The following C8B variants were observed in gnomAD, a reference collection of about 807,000 sequenced individuals.
The protein encoded by C8B is complement C8 beta chain.
C8B carries 67 observed loss-of-function variants against 64.6 expected under a neutral mutation model. The ratio of observed to expected loss-of-function variants is 1.04; its 90% CI spans 0.85 to 1.27. C8B has a LOEUF of 1.27. Among genes scored for constraint, C8B ranks in the 50% most tolerant of loss-of-function variants. The probability of loss-of-function intolerance (pLI) is 0.00; values close to 1 mark genes in which losing one functional copy is unlikely to be tolerated. For missense variants in C8B, 790 were observed against 725.2 expected (o/e 1.09, Z -1.03); for synonymous variants, 284 against 257.7 (o/e 1.10, Z -0.98).
rs1252062560 is a variant in C8B, at chr1:56,945,948, C to A, written c.978G>T (p.Leu326=). The part of the protein sequence containing the change: ...EFLQRVKRLP[L]EYSYGEYRDL... Reference sequence around the variant, plus strand: ...CTCTGTATTCCCCGTAGCTGTACTCCAGGGGCAGCCGCTTAACTCTCTGAA... The same window carrying A: ...CTCTGTATTCCCCGTAGCTGTACTCAAGGGGCAGCCGCTTAACTCTCTGAA... Residue 326 remains leucine, a synonymous_variant, in exon 7 of 12, where the codon CTG becomes CTT. Coordinates refer to ENST00000371237, the MANE Select transcript of C8B (RefSeq NM_000066.4). The A allele has an allele frequency of 1.9e-6, 3 of 1,614,022 alleles. No individual in the cohort carries two copies. In the African/African-American group the frequency reaches 4.0e-5, roughly 22 times the overall value.
intron 1 of C8B, among the ~76,000 whole-genome samples, chr1:56,963,108 T>C (rs1645201464): frequency 6.6e-6 from 1 of 152,180 alleles, no homozygotes; most frequent in Non-Finnish European, 1.5e-5. Context: ...CCCCTCTACT[T>C]AAGGACTGGC....
At chr1:56,940,758 T>G in intron 9 of C8B, 91 bp downstream of exon 9, 1 of 1,453,672 alleles carries the variant, frequency 6.9e-7, no homozygotes, top group Non-Finnish European at 9.7e-7. Flanking sequence ...TGGGTCTTAG[T>G]GATCTCTGCA....
chr1:56,964,063 G>C (rs1645216911), intron 1 of C8B: 2 of 962,808 alleles, frequency 2.1e-6, no homozygotes, highest in African/African-American at 1.8e-5. Flanking sequence ...TTCAGGTAAG[G>C]GTTTGAAAAC....
In C8B at chr1:56,929,389, C is replaced by T; in HGVS notation, c.*15G>A. ...CAGGGCTCTCATTGTATGTAGCCCA[C>T]TGCTGTATCATCTGCTAGGAGCAGT... is the stretch of plus-strand genomic sequence containing the variant. On this transcript the variant is annotated 3_prime_UTR_variant, in exon 12 of 12. Transcript: ENST00000371237. 6.2e-7 allele frequency: 1 copy of T among 1,611,954 alleles called. No homozygotes were observed.
At chr1:56,938,401 G>C (rs1027453474) in intron 9 of C8B, among the ~76,000 whole-genome samples, 1 of 152,182 alleles carries the variant, frequency 6.6e-6, no homozygotes, top group Non-Finnish European at 1.5e-5. Context: ...CATCTGATTA[G>C]TGTCTAAACA....
At chr1:56,937,778 T>C (rs956713206) in intron 9 of C8B, among the ~76,000 whole-genome samples, 3 of 152,222 alleles carry the variant, frequency 2.0e-5, no homozygotes, top group African/African-American at 7.2e-5. Context: ...ACTTCCTGTG[T>C]TTTCATTTGC....
chr1:56,959,679 T>C, intron 2 of C8B: 3 of 1,464,722 alleles, frequency 2.0e-6, no homozygotes, highest in Non-Finnish European at 2.8e-6. Flanking sequence ...GGGTAGACTG[T>C]GAATGGTTTC....
At chr1:56,930,679 A>G (rs980212687) in intron 11 of C8B, among the ~76,000 whole-genome samples, 6 of 152,174 alleles carry the variant, frequency 3.9e-5, no homozygotes, top group African/African-American at 1.4e-4. Flanking sequence ...ACTATTGGGT[A>G]TGTTAGTTAG....
intron 9 of C8B, among the ~76,000 whole-genome samples, chr1:56,933,804 T>G (rs941385589): frequency 2.2e-4 from 34 of 152,160 alleles, no homozygotes; most frequent in African/African-American, 6.3e-4. Context: ...TACCAACAGA[T>G]GGTTACCACA....
intron 8 of C8B, among the ~76,000 whole-genome samples, chr1:56,942,011 G>A (rs376627814): frequency 2.6e-5 from 4 of 152,320 alleles, no homozygotes; most frequent in South Asian, 2.1e-4. Flanking sequence ...CTCTGCATCC[G>A]TGTAAAGAAT....
intron 8 of C8B, among the ~76,000 whole-genome samples, chr1:56,943,266 A>G (rs1441710307): frequency 6.6e-6 from 1 of 152,184 alleles, no homozygotes; most frequent in Non-Finnish European, 1.5e-5. Flanking sequence ...CTCTGGAAAG[A>G]CACTTGTACG....
At position 56,954,691 on chromosome 1, in the gene C8B, G is replaced by A; in HGVS notation, c.528C>T (p.Ala176=). ...ACAGAAAAATGGTCACTTACCCACT[G>A]GCCAGACTGCCAATTCCCCAGTATT... ...MDQYWGIGSL[A]SGINLFTNSF... Residue 176 remains alanine (A), a synonymous_variant, in exon 4 of 12, where the codon GCC becomes GCT. Transcript: ENST00000371237. 1 of 1,614,118 alleles carries A rather than the reference G, an allele frequency of 6.2e-7. No homozygotes were observed.
chr1:56,965,171 A>G (rs1487969324), intron 1 of C8B, among the ~76,000 whole-genome samples: 1 of 152,198 alleles, frequency 6.6e-6, no homozygotes, highest in Non-Finnish European at 1.5e-5. Flanking sequence ...CCGGGGACAC[A>G]TGCACACTTC....
rs72670382 is a variant in C8B, at chr1:56,965,956, A to G, written c.-8T>C. The G allele has an allele frequency of 0.023, 36,804 of 1,613,584 alleles. 513 individuals carry two copies. The highest frequency in any genetic ancestry group is 0.026 in the Non-Finnish European group (30,115 of 1,179,940). ...TGTCCTGGAATTCTTCATTTTCCCA[A>G]TGTGACAGGAGATGCCACAGAGGCT... On this transcript the variant is annotated 5_prime_UTR_variant, in exon 1 of 12. Coordinates refer to ENST00000371237, the MANE Select transcript of C8B (RefSeq NM_000066.4).
rs1645155092 is a variant in C8B, at chr1:56,960,040, C to T, written c.229G>A (p.Asp77Asn). 1 of 1,614,016 alleles carries T rather than the reference C, an allele frequency of 6.2e-7. No individual in the cohort carries two copies. Among genetic ancestry groups the T allele is most frequent in the Admixed American group, 1.7e-5 (1 of 59,994 alleles). ...CTTACCCTTTTCTTCTGACAGGGGT[C>T]ACATGTGGTCCAAGAGGACCAACTA... ...LSSWSSWTTC[D>N]PCQKKRYRYA... Residue 77 changes from aspartate to asparagine, a missense_variant, in exon 2 of 12, where the codon GAC (aspartate) becomes AAC (asparagine). Coordinates refer to ENST00000371237, the MANE Select transcript of C8B (RefSeq NM_000066.4).
Position 56,933,415 on chromosome 1 carries a change from T to C in C8B, c.1472A>G (p.Gln491Arg). ...TTCCTTCTGGAACTCCTCCAGTGCC[T>C]GCTTCATGTTCTGCCTCACTGTGCT... ...YSSTVRQNMK[Q>R]ALEEFQKEVS... is the part of the protein sequence containing the mutation. The change falls in exon 10 of 12, where the codon CAG (glutamine) becomes CGG (arginine). Residue 491 changes from glutamine (Q) to arginine (R), a missense_variant. Transcript: ENST00000371237. 6.2e-7 allele frequency: 1 copy of C among 1,613,570 alleles called. No homozygotes were observed. The highest frequency in any genetic ancestry group is 8.5e-7 in the Non-Finnish European group (1 of 1,179,516).
chr1:56,938,771 C>G (rs1481591276), intron 9 of C8B, among the ~76,000 whole-genome samples: 1 of 152,162 alleles, frequency 6.6e-6, no homozygotes, highest in Admixed American at 6.5e-5. Context: ...CTAGAAATTG[C>G]TTGTCTACTG....
In C8B at chr1:56,929,218, T is replaced by G. The variant is rs969195430; in HGVS notation, c.*186A>C. ...GAGGATTACAAAGATGCTTAAGCCT[T>G]TAACTCAGTATTTATTTAAATCAAC... On this transcript the variant is annotated 3_prime_UTR_variant, in exon 12 of 12. Coordinates refer to ENST00000371237, the MANE Select transcript of C8B (RefSeq NM_000066.4). The G allele has an allele frequency of 4.6e-5, 30 of 650,294 alleles. No individual in the cohort carries two copies. Among genetic ancestry groups the G allele is most frequent in the Admixed American group, 1.9e-4 (8 of 42,316 alleles). The allele number at this position is 650,294 out of a possible 1,614,324, so 40.3% of individuals were successfully genotyped here.
rs1345797552 is a variant in C8B, at chr1:56,931,812, T to G, written c.1619A>C (p.Lys540Thr). The G allele has an allele frequency of 1.9e-6, 3 of 1,606,660 alleles. No individual in the cohort carries two copies. Among genetic ancestry groups the G allele is most frequent in the Non-Finnish European group, 2.6e-6 (3 of 1,174,488 alleles). The part of the protein sequence containing the change: ...QGLACEVSYR[K>T]NTPIDGKWNC... The stretch of plus-strand genomic sequence containing the variant: ...AGTTCCTTTTCCAATTAACTTACTC[T>G]TCCGATAGGAGACCTCACAGGCTAG... Residue 540 changes from lysine (K) to threonine (T), a missense_variant and splice_region_variant, in exon 11 of 12, where the codon AAG (lysine) becomes ACG (threonine). By Grantham distance (78) the Lys-to-Thr change is moderately conservative. Transcript: ENST00000371237.
Sources: gnomAD v4.1 joint callset for allele counts (sites outside exome capture counted in the v4.1 genomes callset) on GRCh38, gnomAD v4.1.1 for gene constraint, MANE v1.5 for transcripts, NCBI Gene and HGNC (gene_info 2026-07-23, HGNC 2026-07-21) for gene names.